The following COL25A1 variants were observed in gnomAD, a reference collection of about 807,000 sequenced individuals.
COL25A1 encodes the protein collagen type XXV alpha 1 chain, also known as collagen alpha-1(XXV) chain.
A neutral mutation model predicts 128.4 loss-of-function variants in COL25A1; 103 were observed. That is an observed-to-expected ratio of 0.80 (90% CI 0.68 to 0.94). The LOEUF is 0.94. Ranked by LOEUF, COL25A1 falls within the 40% of genes least tolerant of loss-of-function variation. The probability of loss-of-function intolerance (pLI) is 0.00; values close to 1 mark genes in which losing one functional copy is unlikely to be tolerated. For missense variants in COL25A1, 745 were observed against 840.0 expected (o/e 0.89, Z 1.40); for synonymous variants, 279 against 277.2 (o/e 1.01, Z -0.06).
At chr4:109,269,253 G>C (rs1782013449) in intron 3 of COL25A1, among the ~76,000 whole-genome samples, 1 of 150,994 alleles carries the variant, frequency 6.6e-6, no homozygotes, top group Non-Finnish European at 1.5e-5. Flanking sequence ...CCCTACAAAG[G>C]ACATGAACGC....
At chr4:108,908,574 C>A (rs1423937676) in intron 13 of COL25A1, among the ~76,000 whole-genome samples, 1 of 152,170 alleles carries the variant, frequency 6.6e-6, no homozygotes, top group African/African-American at 2.4e-5. Flanking sequence ...ATCCCTACTG[C>A]GTTATCTAAA....
chr4:109,131,405 T>G (rs1209144752), intron 3 of COL25A1, among the ~76,000 whole-genome samples: 3 of 152,220 alleles, frequency 2.0e-5, no homozygotes, highest in Non-Finnish European at 4.4e-5. Context: ...TAACGGATGA[T>G]GGAACGCAAG....
At chr4:109,254,484 T>C (rs1242853707) in intron 3 of COL25A1, among the ~76,000 whole-genome samples, 1 of 97,908 alleles carries the variant, frequency 1.0e-5, no homozygotes, top group Non-Finnish European at 1.7e-5. Context: ...TATATATATA[T>C]ATATATATAT....
chr4:109,181,354 C>T (rs1260092227), intron 3 of COL25A1, among the ~76,000 whole-genome samples: 1 of 152,062 alleles, frequency 6.6e-6, no homozygotes, highest in Non-Finnish European at 1.5e-5. Context: ...TTCTAAATGG[C>T]GACTATTTGA....
At chr4:108,976,163 G>C (rs114220681) in intron 6 of COL25A1, among the ~76,000 whole-genome samples, 8 of 152,078 alleles carry the variant, frequency 5.3e-5, no homozygotes, top group African/African-American at 1.9e-4. Context: ...TTCCATTTTA[G>C]TTTAGAAGCT....
chr4:109,262,557 T>A (rs1246119975), intron 3 of COL25A1, among the ~76,000 whole-genome samples: 1 of 152,046 alleles, frequency 6.6e-6, no homozygotes, highest in Non-Finnish European at 1.5e-5. Context: ...CAACCAAGTT[T>A]ACCTATTAAC....
At chr4:108,842,310 T>C (rs1411950515) in intron 30 of COL25A1, among the ~76,000 whole-genome samples, 1 of 152,248 alleles carries the variant, frequency 6.6e-6, no homozygotes, top group East Asian at 1.9e-4. Context: ...AGATTGCATT[T>C]ATTTTTACAA....
intron 3 of COL25A1, among the ~76,000 whole-genome samples, chr4:109,145,578 C>T (rs990170803): frequency 6.6e-6 from 1 of 152,194 alleles, no homozygotes; most frequent in Non-Finnish European, 1.5e-5. Flanking sequence ...ATGGCTCACG[C>T]CTGCAATCCC....
At chr4:109,198,729 T>C (rs1776320262) in intron 3 of COL25A1, among the ~76,000 whole-genome samples, 1 of 152,266 alleles carries the variant, frequency 6.6e-6, no homozygotes, top group Admixed American at 6.5e-5. Context: ...AAATTGCTGC[T>C]TCTGTTATGC....
chr4:108,844,474 T>C, intron 30 of COL25A1, 45 bp downstream of exon 30: 1 of 1,614,122 alleles, frequency 6.2e-7, no homozygotes, highest in South Asian at 1.1e-5. Flanking sequence ...TCTAGCAGCA[T>C]GCTCATAAAT....
intron 3 of COL25A1, among the ~76,000 whole-genome samples, chr4:109,264,635 G>C (rs987123): frequency 6.6e-6 from 1 of 152,064 alleles, no homozygotes; most frequent in Admixed American, 6.5e-5. Flanking sequence ...AAGCCTGGGC[G>C]AAGAGCAGAT....
intron 3 of COL25A1, among the ~76,000 whole-genome samples, chr4:109,268,340 C>A (rs572818544): frequency 1.3e-5 from 2 of 152,138 alleles, no homozygotes; most frequent in Admixed American, 1.3e-4. Flanking sequence ...CCATTTGATG[C>A]TGTAAATTCC....
chr4:109,221,719 G>T (rs1266390988), intron 3 of COL25A1, among the ~76,000 whole-genome samples: 3 of 152,150 alleles, frequency 2.0e-5, no homozygotes, highest in Non-Finnish European at 4.4e-5. Flanking sequence ...CACCTTCTGT[G>T]TTATGGGCTC....
At chr4:108,819,618 C>A (rs551331811) in intron 35 of COL25A1, among the ~76,000 whole-genome samples, 19 of 152,138 alleles carry the variant, frequency 1.2e-4, no homozygotes, top group Non-Finnish European at 2.6e-4. Context: ...GGTTAAGAAA[C>A]CAGGCAGAGC....
At chr4:108,943,255 AC>A (rs145369750) in intron 8 of COL25A1, among the ~76,000 whole-genome samples, 38 of 152,350 alleles carry the variant, frequency 2.5e-4, no homozygotes, top group South Asian at 2.1e-4. Context: ...AGACACTGTT[AC>A]GAAAACCACA....
At chr4:109,037,884 C>T (rs1264308439) in intron 5 of COL25A1, among the ~76,000 whole-genome samples, 1 of 152,018 alleles carries the variant, frequency 6.6e-6, no homozygotes, top group East Asian at 1.9e-4. Context: ...TTATTATTAG[C>T]CAGGAAAGCT....
chr4:109,130,257 CATA>C (rs1380614644), intron 3 of COL25A1, among the ~76,000 whole-genome samples: 1 of 152,036 alleles, frequency 6.6e-6, no homozygotes, highest in Non-Finnish European at 1.5e-5. Context: ...TGTTTATTTG[CATA>C]ATATTATATA....
At chr4:109,079,822 G>A (rs1172499725) in intron 3 of COL25A1, among the ~76,000 whole-genome samples, 3 of 151,720 alleles carry the variant, frequency 2.0e-5, no homozygotes, top group Non-Finnish European at 4.4e-5. Context: ...TAAAACTGGT[G>A]CTGTTTTGAG....
rs886885643 is a variant in COL25A1 at position 109,024,108 on chromosome 4, T to C, written c.421-13733A>G. ...CAATACTTTATTATAAAATAGGCTT[T>C]GTGTTAGATGATTTTGTCCTACTGT... On this transcript the variant is annotated intron_variant, in intron 5 of 37. Coordinates refer to ENST00000399132, the MANE Select transcript of COL25A1 (RefSeq NM_198721.4). Among the ~76,000 whole-genome samples, 10 of 152,328 alleles carry C rather than the reference T, an allele frequency of 6.6e-5. No homozygotes were observed. In the South Asian group the frequency reaches 2.1e-3, roughly 32 times the overall value.
Sources: allele counts gnomAD v4.1 joint callset (sites outside exome capture counted in the v4.1 genomes callset), GRCh38; gene constraint gnomAD v4.1.1; transcripts MANE v1.5; gene names NCBI Gene and HGNC (gene_info 2026-07-23, HGNC 2026-07-21).